The following MSI2 variants were observed in gnomAD, a reference collection of about 807,000 sequenced individuals.
The protein encoded by MSI2 is RNA-binding protein Musashi homolog 2.
Under a neutral mutation model 45.6 loss-of-function variants are expected in MSI2, and 17 were observed. The observed-to-expected ratio is 0.37, with a 90% confidence interval of 0.26 to 0.56. The LOEUF (loss-of-function observed/expected upper bound fraction) is 0.56, where lower values mean the gene tolerates loss of function less well. Among genes scored for constraint, MSI2 ranks in the 20% least tolerant of loss-of-function variants. MSI2 has a pLI of 0.77. For synonymous variants in MSI2, 156 were observed against 158.2 expected (o/e 0.99, Z 0.11); for missense variants, 293 against 444.2 (o/e 0.66, Z 3.06).
At chr17:57,382,135 T>C (rs1239157155) in intron 5 of MSI2, among the ~76,000 whole-genome samples, 1 of 152,222 alleles carries the variant, frequency 6.6e-6, no homozygotes, top group Non-Finnish European at 1.5e-5. Flanking sequence ...TGCTTTAGGA[T>C]GGTCATTCAT....
At chr17:57,637,461 G>T (rs767819075) in intron 10 of MSI2, among the ~76,000 whole-genome samples, 9 of 152,196 alleles carry the variant, frequency 5.9e-5, no homozygotes, top group Non-Finnish European at 1.0e-4. Context: ...GAATTGACGA[G>T]AATTGTGGGT....
intron 6 of MSI2, among the ~76,000 whole-genome samples, chr17:57,431,100 A>G (rs919124054): frequency 6.6e-6 from 1 of 152,228 alleles, no homozygotes; most frequent in Non-Finnish European, 1.5e-5. Flanking sequence ...ATTCCATGTC[A>G]GATGGTATCT....
intron 11 of MSI2, among the ~76,000 whole-genome samples, chr17:57,665,296 C>T (rs1912287733): frequency 6.6e-6 from 1 of 152,208 alleles, no homozygotes; most frequent in South Asian, 2.1e-4. Context: ...CAGCCTGCAG[C>T]AACTGTAAAC....
intron 8 of MSI2, among the ~76,000 whole-genome samples, chr17:57,599,098 A>AG: frequency 6.6e-6 from 1 of 152,354 alleles, no homozygotes; most frequent in South Asian, 2.1e-4. Context: ...GGGGAATAGA[A>AG]GAGAGTACTG....
At chr17:57,516,214 C>T (rs989752732) in intron 6 of MSI2, among the ~76,000 whole-genome samples, 1 of 152,216 alleles carries the variant, frequency 6.6e-6, no homozygotes, top group Non-Finnish European at 1.5e-5. Flanking sequence ...TGGCCCCACT[C>T]CTAACTCCTG....
chr17:57,488,297 C>A (rs1159654207), intron 6 of MSI2, among the ~76,000 whole-genome samples: 1 of 152,246 alleles, frequency 6.6e-6, no homozygotes, highest in Non-Finnish European at 1.5e-5. Flanking sequence ...CTTGCAGCAT[C>A]TGCGGAAGCT....
intron 5 of MSI2, among the ~76,000 whole-genome samples, chr17:57,322,741 C>G (rs1339594146): frequency 1.3e-5 from 2 of 152,200 alleles, no homozygotes; most frequent in Admixed American, 1.3e-4. Context: ...CTGAAAGGCT[C>G]TTGTTGACAG....
chr17:57,618,131 A>G (rs1907913552), intron 9 of MSI2: 1 of 151,216 alleles, frequency 6.6e-6, no homozygotes, highest in African/African-American at 2.4e-5. Context: ...GCGTGCACCT[A>G]TGGCCTCAGC....
At position 57,452,706 on chromosome 17, in the gene MSI2, TAATA is replaced by T. The variant is rs145026654; in HGVS notation, c.405+51240_405+51243del. Reference sequence around the variant, plus strand: ...AATTCTCTCATTTTTGCAGTTATAATAATAAATACTTTTCTTTAATACCTAGAAC... The same window carrying T: ...AATTCTCTCATTTTTGCAGTTATAATAATACTTTTCTTTAATACCTAGAAC... On this transcript the variant is annotated intron_variant, in intron 6 of 13. Transcript: ENST00000284073. Among the ~76,000 whole-genome samples, 513 of 152,342 alleles carry T rather than the reference TAATA, an allele frequency of 3.4e-3. 5 individuals are homozygous for T. The highest frequency in any genetic ancestry group is 0.011 in the African/African-American group (475 of 41,576).
At chr17:57,665,318 C>T (rs188611921) in intron 11 of MSI2, among the ~76,000 whole-genome samples, 16 of 152,316 alleles carry the variant, frequency 1.1e-4, no homozygotes, top group Admixed American at 7.8e-4. Flanking sequence ...GAGAAGCAGC[C>T]GCCCTCCTTG....
At chr17:57,473,365 T>C (rs1424349275) in intron 6 of MSI2, among the ~76,000 whole-genome samples, 2 of 152,174 alleles carry the variant, frequency 1.3e-5, no homozygotes, top group Non-Finnish European at 2.9e-5. Context: ...TATAACTCAT[T>C]CCCCAAAGAG....
At chr17:57,512,968 C>CTTTTTTTTTTTTTTTT (rs34727727) in intron 6 of MSI2, among the ~76,000 whole-genome samples, 5 of 114,716 alleles carry the variant, frequency 4.4e-5, no homozygotes, top group Non-Finnish European at 6.7e-5. Context: ...TAGCTTCTTC[C>CTTTTTTTTTTTTTTTT]TTTTTTTTTT....
chr17:57,410,356 C>T (rs922947867), intron 6 of MSI2, among the ~76,000 whole-genome samples: 2 of 151,900 alleles, frequency 1.3e-5, no homozygotes, highest in African/African-American at 2.4e-5. Flanking sequence ...TCATTTAATC[C>T]AGCTGCTGGG....
At chr17:57,454,905 A>C (rs536095378) in intron 6 of MSI2, among the ~76,000 whole-genome samples, 1 of 152,234 alleles carries the variant, frequency 6.6e-6, no homozygotes, top group African/African-American at 2.4e-5. Context: ...GCATCATTCC[A>C]TCTGGGGCTT....
intron 7 of MSI2, among the ~76,000 whole-genome samples, chr17:57,573,575 T>A (rs924559707): frequency 1.3e-5 from 2 of 152,202 alleles, no homozygotes; most frequent in Non-Finnish European, 2.9e-5. Context: ...AGGCTGGGGA[T>A]CAACCCCCAT....
rs1176947647 is a variant in MSI2, at chr17:57,273,841, C to T, written c.312+11649C>T. Among the ~76,000 whole-genome samples the T allele has an allele frequency of 2.6e-5, 4 of 152,226 alleles. No homozygotes were observed. In the East Asian group the frequency reaches 7.7e-4, roughly 29 times the overall value. The stretch of plus-strand genomic sequence containing the variant: ...ACGGTGGAGTGAGGATGATCAGACC[C>T]CCTGGGCATCCCAAGAGAAGGACTG... On this transcript the variant is annotated intron_variant, in intron 5 of 13. Coordinates refer to ENST00000284073, the MANE Select transcript of MSI2 (RefSeq NM_138962.4).
intron 13 of MSI2, among the ~76,000 whole-genome samples, chr17:57,679,065 C>A (rs1397600693): frequency 6.6e-6 from 1 of 152,052 alleles, no homozygotes; most frequent in Non-Finnish European, 1.5e-5. Context: ...ATGATATGAT[C>A]TTTTAGTGTA....
intron 5 of MSI2, chr17:57,277,932 A>G (rs12950078): frequency 0.08 from 12,244 of 152,428 alleles, 596 homozygotes; most frequent in South Asian, 0.12. Flanking sequence ...TTGAGGCTGG[A>G]TGCAGTGGCT....
intron 9 of MSI2, among the ~76,000 whole-genome samples, chr17:57,623,696 T>C (rs1908523738): frequency 6.6e-6 from 1 of 152,174 alleles, no homozygotes; most frequent in Non-Finnish European, 1.5e-5. Flanking sequence ...GCCAGGCTGC[T>C]AATGGAAGTG....
Sources: gnomAD v4.1 joint callset for allele counts (sites outside exome capture counted in the v4.1 genomes callset) on GRCh38, gnomAD v4.1.1 for gene constraint, MANE v1.5 for transcripts, NCBI Gene and HGNC (gene_info 2026-07-23, HGNC 2026-07-21) for gene names.